ZNF442: variants seen among roughly 807,000 people sequenced by gnomAD.
The protein encoded by ZNF442 is zinc finger protein 442.
Under a neutral mutation model 57.0 loss-of-function variants are expected in ZNF442, and 45 were observed. The observed-to-expected ratio is 0.79, with a 90% CI of 0.62 to 1.01. The LOEUF (loss-of-function observed/expected upper bound fraction) is 1.01. Ranked by LOEUF, ZNF442 falls within the 50% of genes least tolerant of loss-of-function variation. ZNF442 has a pLI of 0.00. For missense variants in ZNF442, 690 were observed against 756.5 expected, an observed-to-expected ratio of 0.91 and a Z score of 1.03; for synonymous variants, 213 against 241.8, an observed-to-expected ratio of 0.88 and a Z score of 1.10.
upstream of ZNF442, among the ~76,000 whole-genome samples, chr19:12,369,271 G>A (rs899614667): frequency 1.3e-5 from 2 of 152,220 alleles, no homozygotes; most frequent in African/African-American, 4.8e-5. Flanking sequence ...AATATGGGTA[G>A]AAAGGAACTT....
upstream of ZNF442, among the ~76,000 whole-genome samples, chr19:12,367,261 T>C (rs1969543730): frequency 1.3e-5 from 2 of 152,174 alleles, no homozygotes; most frequent in African/African-American, 4.8e-5. Context: ...GCAGGTTCCA[T>C]GATGCCCACC....
the ZNF442 span, among the ~76,000 whole-genome samples, chr19:12,370,954 C>CA: frequency 1.4e-3 from 188 of 137,720 alleles, 1 homozygote; most frequent in Non-Finnish European, 2.3e-3. Context: ...GCCTGGGCAA[C>CA]AGAGTGAGAC....
chr19:12,364,002 G>A (rs75241212), intron 2 of ZNF442, among the ~76,000 whole-genome samples: 278 of 152,308 alleles, frequency 1.8e-3, no homozygotes, highest in African/African-American at 6.3e-3. Flanking sequence ...GTACCCAGGG[G>A]AAAGAAAAGG....
rs1162070232 is a variant in ZNF442, at chr19:12,365,126, TG to T, written c.-366del. On this transcript the variant is annotated 5_prime_UTR_variant, in exon 2 of 6. Transcript: ENST00000242804. ...AACACCCCCATCCCCAAACCTCTCA[TG>T]GAGGCGGAACTGGGGTCTTCTCTCC... The T allele has an allele frequency of 6.5e-6, 1 of 152,968 alleles. No individual in the cohort carries two copies. Among genetic ancestry groups the T allele is most frequent in the Non-Finnish European group, 1.5e-5 (1 of 68,718 alleles). The allele number at this position is 152,968 out of a possible 1,614,324, so 9.5% of individuals were successfully genotyped here.
intron 3 of ZNF442, among the ~76,000 whole-genome samples, chr19:12,359,206 T>C (rs1335099996): frequency 2.0e-5 from 3 of 152,182 alleles, no homozygotes; most frequent in Non-Finnish European, 4.4e-5. Context: ...CTAAATCAGC[T>C]GTGACAGACT....
At chr19:12,362,377 G>A (rs140663299) in intron 3 of ZNF442, among the ~76,000 whole-genome samples, 7,085 of 151,622 alleles carry the variant, frequency 0.047, 560 homozygotes, top group African/African-American at 0.16. Context: ...CGGCGACCCC[G>A]TCTGGGAACT....
chr19:12,358,031 C>G (rs1047544757), intron 3 of ZNF442, among the ~76,000 whole-genome samples: 2 of 150,352 alleles, frequency 1.3e-5, no homozygotes, highest in Non-Finnish European at 3.0e-5. Context: ...GGCGCGATCT[C>G]GGCTCACTGC....
upstream of ZNF442, among the ~76,000 whole-genome samples, chr19:12,367,782 C>T (rs1203645765): frequency 6.6e-6 from 1 of 152,148 alleles, no homozygotes; most frequent in African/African-American, 2.4e-5. Context: ...TGTTCTCCTG[C>T]CTAAGCCTCC....
chr19:12,360,973 T>C (rs1197044332), intron 3 of ZNF442, among the ~76,000 whole-genome samples: 2 of 152,106 alleles, frequency 1.3e-5, no homozygotes, highest in African/African-American at 2.4e-5. Flanking sequence ...AGGAGGATCA[T>C]TTGAGGTTGG....
At chr19:12,367,041 G>A (rs993367949), upstream of ZNF442, among the ~76,000 whole-genome samples, 5 of 152,158 alleles carry the variant, frequency 3.3e-5, no homozygotes, top group African/African-American at 7.2e-5. Context: ...TAGGTACCAG[G>A]CACCTCTGGA....
chr19:12,349,833 A>C lies in ZNF442; in HGVS notation c.1752T>G (p.Ser584=). 1.9e-6 allele frequency: 3 copies of C among 1,612,306 alleles called. No homozygotes were observed. Among genetic ancestry groups the C allele is most frequent in the Non-Finnish European group, 2.5e-6 (3 of 1,179,442 alleles). Reference sequence around the variant, plus strand: ...TTTTTTCATGTCCTCGAAGGAAACGAGAACGAGTGAAGGCTTTACCACATT... The same window carrying C: ...TTTTTTCATGTCCTCGAAGGAAACGCGAACGAGTGAAGGCTTTACCACATT... ...CQQCGKAFTR[S]RFLRGHEKTH... Residue 584 remains serine (S), a synonymous_variant, in exon 6 of 6, where the codon TCT becomes TCG. Coordinates refer to ENST00000242804, the MANE Select transcript of ZNF442 (RefSeq NM_030824.3).
chr19:12,355,030 G>A (rs1162412358), intron 3 of ZNF442, among the ~76,000 whole-genome samples: 1 of 152,054 alleles, frequency 6.6e-6, no homozygotes, highest in African/African-American at 2.4e-5. Flanking sequence ...GGTGGCTCAC[G>A]CCTGTAATCC....
chr19:12,351,352 T>C (rs1969235308), intron 5 of ZNF442, 34 bp from the exon 6 acceptor site: 2 of 1,550,346 alleles, frequency 1.3e-6, no homozygotes, highest in Non-Finnish European at 1.7e-6. Context: ...AATAAAGGTT[T>C]ATTTATAAAT....
chr19:12,370,371 T>G (rs1969570950), upstream of ZNF442, among the ~76,000 whole-genome samples: 1 of 151,940 alleles, frequency 6.6e-6, no homozygotes, highest in Non-Finnish European at 1.5e-5. Flanking sequence ...GGTAGTAATG[T>G]GAGTGATGGG....
At chr19:12,358,452 C>T (rs929520255) in intron 3 of ZNF442, among the ~76,000 whole-genome samples, 2 of 152,134 alleles carry the variant, frequency 1.3e-5, no homozygotes, top group African/African-American at 4.8e-5. Flanking sequence ...CCACTTAGGT[C>T]GATTCCCTTA....
At chr19:12,373,068 A>G in the ZNF442 span, among the ~76,000 whole-genome samples, 51 of 152,192 alleles carry the variant, frequency 3.4e-4, no homozygotes, top group African/African-American at 7.2e-4. Flanking sequence ...CACCGCACCC[A>G]GCCGGATCTG....
chr19:12,355,648 C>T (rs554596415), intron 3 of ZNF442, among the ~76,000 whole-genome samples: 23 of 150,336 alleles, frequency 1.5e-4, no homozygotes, highest in East Asian at 1.1e-3. Flanking sequence ...CATGAGCCAC[C>T]GTGCCTGGCC....
At chr19:12,362,774 G>T (rs1309529565) in intron 3 of ZNF442, among the ~76,000 whole-genome samples, 1 of 152,072 alleles carries the variant, frequency 6.6e-6, no homozygotes, top group Non-Finnish European at 1.5e-5. Context: ...GGAAGTGGGG[G>T]AAGTGTGGGG....
intron 3 of ZNF442, among the ~76,000 whole-genome samples, chr19:12,356,978 AT>A (rs963431817): frequency 6.6e-6 from 1 of 152,178 alleles, no homozygotes; most frequent in African/African-American, 2.4e-5. Flanking sequence ...AAAAAAGAAT[AT>A]TTTCAACAAC....
Sources: allele counts gnomAD v4.1 joint callset (sites outside exome capture counted in the v4.1 genomes callset), GRCh38; gene constraint gnomAD v4.1.1; transcripts MANE v1.5; gene names NCBI Gene and HGNC (gene_info 2026-07-23, HGNC 2026-07-21).